DDC: variants seen among roughly 807,000 people sequenced by gnomAD.
DDC encodes the protein aromatic-L-amino-acid decarboxylase.
Under a neutral mutation model 60.0 loss-of-function variants are expected in DDC, and 43 were observed. The observed-to-expected ratio is 0.72, with a 90% CI of 0.56 to 0.92. DDC has a LOEUF of 0.92. DDC is among the 40% of genes least tolerant of loss of function. DDC has a pLI of 0.00. For synonymous variants in DDC, 232 were observed against 234.6 expected (o/e 0.99, Z 0.10); for missense variants, 573 against 620.2 (o/e 0.92, Z 0.81).
intron 6 of DDC, among the ~76,000 whole-genome samples, chr7:50,508,357 A>T (rs2043457260): frequency 6.6e-6 from 1 of 152,154 alleles, no homozygotes; most frequent in African/African-American, 2.4e-5. Flanking sequence ...GGGGTAGGGG[A>T]CAGTTCAGGC....
At chr7:50,462,091 T>C (rs1217993594) in intron 14 of DDC, among the ~76,000 whole-genome samples, 1 of 151,956 alleles carries the variant, frequency 6.6e-6, no homozygotes, top group African/African-American at 2.4e-5. Flanking sequence ...AGGAAATGCA[T>C]TACATGATCC....
intron 1 of DDC, chr7:50,564,189 C>T (rs2153555132): frequency 6.6e-6 from 1 of 152,314 alleles, no homozygotes; most frequent in South Asian, 2.1e-4. Flanking sequence ...ATCCACTTTG[C>T]CAGGACTTCC....
intron 13 of DDC, among the ~76,000 whole-genome samples, chr7:50,466,123 G>A (rs185009664): frequency 6.6e-6 from 1 of 152,306 alleles, no homozygotes; most frequent in African/African-American, 2.4e-5. Flanking sequence ...ACCCCAGCCT[G>A]CTCCTTCTCC....
At position 50,477,690 on chromosome 7, in the gene DDC, C is replaced by A. The variant is rs537093929; in HGVS notation, c.1022-1047G>T. 7 of 345,444 alleles carry A rather than the reference C, an allele frequency of 2.0e-5. No homozygotes were observed. In the East Asian group the frequency reaches 5.3e-4, roughly 26 times the overall value. The allele number at this position is 345,444 out of a possible 1,614,324, so 21.4% of individuals were successfully genotyped here. ...GCTGGGAGGAGATGCAAGACCTCCACCCCCTGTTTTATGAGTGACCCTGAG... is the reference window on the plus strand; with the variant it reads ...GCTGGGAGGAGATGCAAGACCTCCAACCCCTGTTTTATGAGTGACCCTGAG... On this transcript the variant is annotated intron_variant, in intron 10 of 14. Coordinates refer to ENST00000444124, the MANE Select transcript of DDC (RefSeq NM_001082971.2).
intron 1 of DDC, among the ~76,000 whole-genome samples, chr7:50,562,318 G>A (rs11575260): frequency 0.013 from 1,909 of 152,316 alleles, 30 homozygotes; most frequent in Non-Finnish European, 0.022. Flanking sequence ...CAGCAGCCAT[G>A]TGGACAATGG....
intron 10 of DDC, among the ~76,000 whole-genome samples, chr7:50,478,461 A>T (rs1489789111): frequency 6.6e-6 from 1 of 152,218 alleles, no homozygotes; most frequent in Non-Finnish European, 1.5e-5. Context: ...GTGGTGCAGA[A>T]TTATAAATTT....
intron 1 of DDC, among the ~76,000 whole-genome samples, chr7:50,559,307 T>G (rs1164896234): frequency 6.6e-6 from 1 of 152,186 alleles, no homozygotes; most frequent in South Asian, 2.1e-4. Context: ...TTCTAACCTT[T>G]TCTACGAGGT....
chr7:50,496,295 C>T (rs541505982), intron 8 of DDC, among the ~76,000 whole-genome samples: 19 of 152,202 alleles, frequency 1.2e-4, no homozygotes, highest in African/African-American at 4.1e-4. Context: ...CATTACGTTG[C>T]CCAGGCTGAT....
At chr7:50,506,536 T>G (rs369238575) in intron 6 of DDC, among the ~76,000 whole-genome samples, 1 of 151,994 alleles carries the variant, frequency 6.6e-6, no homozygotes, top group Non-Finnish European at 1.5e-5. Flanking sequence ...TGCAAGTGAG[T>G]CCTTTAAGAG....
rs984278574 is a variant in DDC at position 50,496,371 on chromosome 7, G to A, written c.877-954C>T. ...CCCAAAGTACTGGGATTACAGGTGTGAGCCACTGCACCCCGACCAGCTCCT... is the reference window on the plus strand; with the variant it reads ...CCCAAAGTACTGGGATTACAGGTGTAAGCCACTGCACCCCGACCAGCTCCT... On this transcript the variant is annotated intron_variant, in intron 8 of 14. Coordinates refer to ENST00000444124, the MANE Select transcript of DDC (RefSeq NM_001082971.2). Among the ~76,000 whole-genome samples, 5 of 152,264 alleles carry A rather than the reference G, an allele frequency of 3.3e-5. No individual in the cohort carries two copies. In the East Asian group the frequency reaches 7.7e-4, roughly 23 times the overall value.
chr7:50,524,420 A>G (rs2043983957), intron 6 of DDC, among the ~76,000 whole-genome samples: 1 of 152,190 alleles, frequency 6.6e-6, no homozygotes, highest in African/African-American at 2.4e-5. Context: ...TGTTCTTCCT[A>G]CTTATTTTTC....
At chr7:50,459,382 G>A (rs1459606430) in intron 14 of DDC, among the ~76,000 whole-genome samples, 11 of 152,106 alleles carry the variant, frequency 7.2e-5, no homozygotes, top group African/African-American at 2.2e-4. Flanking sequence ...CCGCCACCCC[G>A]GTTGGGAAGT....
At chr7:50,484,250 C>T (rs2042833001) in intron 9 of DDC, among the ~76,000 whole-genome samples, 1 of 152,176 alleles carries the variant, frequency 6.6e-6, no homozygotes, top group Non-Finnish European at 1.5e-5. Context: ...CTTTGTCGAT[C>T]CTCTCTGTTG....
intron 1 of DDC, among the ~76,000 whole-genome samples, chr7:50,560,656 G>A (rs1273250150): frequency 6.6e-6 from 1 of 152,126 alleles, no homozygotes; most frequent in Non-Finnish European, 1.5e-5. Flanking sequence ...ATGCACATGA[G>A]CCAGTCTGGA....
At chr7:50,562,415 G>A (rs2045361569) in intron 1 of DDC, among the ~76,000 whole-genome samples, 1 of 152,230 alleles carries the variant, frequency 6.6e-6, no homozygotes, top group Admixed American at 6.5e-5. Context: ...CCAGAAGCCA[G>A]CAGCAAGGTG....
intron 8 of DDC, 119 bp downstream of exon 8, chr7:50,499,029 C>T: frequency 1.2e-6 from 1 of 832,764 alleles, no homozygotes; most frequent in South Asian, 1.4e-5. Context: ...TTGGTTCAAA[C>T]ATAATTGGCT....
chr7:50,526,739 T>C (rs1244158251), intron 6 of DDC, among the ~76,000 whole-genome samples: 1 of 152,166 alleles, frequency 6.6e-6, no homozygotes, highest in Non-Finnish European at 1.5e-5. Context: ...ATCTTAAATA[T>C]AAATGAACAG....
chr7:50,490,882 A>T (rs981304968), intron 9 of DDC, among the ~76,000 whole-genome samples: 1 of 152,256 alleles, frequency 6.6e-6, no homozygotes, highest in Admixed American at 6.5e-5. Context: ...TTTACAAATA[A>T]ATTGGCCCTA....
At chr7:50,505,627 C>T (rs12718572) in intron 6 of DDC, among the ~76,000 whole-genome samples, 43,934 of 152,250 alleles carry the variant, frequency 0.29, 7,804 homozygotes, top group Non-Finnish European at 0.4. Flanking sequence ...AGCACAGAGT[C>T]AGCCTGCAGA....
Sources: gnomAD v4.1 joint callset for allele counts (sites outside exome capture counted in the v4.1 genomes callset) on GRCh38, gnomAD v4.1.1 for gene constraint, MANE v1.5 for transcripts, NCBI Gene and HGNC (gene_info 2026-07-23, HGNC 2026-07-21) for gene names.